The following SPMIP6 variants were observed in gnomAD, a reference collection of about 807,000 sequenced individuals.
SPMIP6 encodes the protein sperm microtubule inner protein 6.
At chr9:34,394,080 C>T in the SPMIP6 span, among the ~76,000 whole-genome samples, 1 of 152,166 alleles carries the variant, frequency 6.6e-6, no homozygotes, top group Non-Finnish European at 1.5e-5. Flanking sequence ...TCTCAGCCTT[C>T]CAAAGTACTG....
the SPMIP6 span, chr9:34,381,272 C>A: frequency 6.3e-7 from 1 of 1,596,036 alleles, no homozygotes; most frequent in South Asian, 1.1e-5. The surrounding 1 kb of genome is among the most constrained non-coding windows in gnomAD (Gnocchi z 4.4). Flanking sequence ...GGACCCTCGG[C>A]CTCCTCCCCG....
the SPMIP6 span, among the ~76,000 whole-genome samples, chr9:34,393,891 C>T: frequency 4.6e-5 from 7 of 152,164 alleles, no homozygotes; most frequent in East Asian, 1.9e-4. Context: ...TTAGCAAATA[C>T]ATTTTTCATT....
the SPMIP6 span, chr9:34,381,419 C>A: frequency 1.2e-6 from 2 of 1,613,926 alleles, no homozygotes; most frequent in Admixed American, 3.3e-5. This position sits in a 1 kb window ranked among gnomAD's most constrained non-coding sequence, Gnocchi z 4.4. Flanking sequence ...GGGCATTCCT[C>A]GAACTGCTGT....
chr9:34,379,666 G>C, the SPMIP6 span: 2 of 1,614,030 alleles, frequency 1.2e-6, no homozygotes, highest in Admixed American at 1.7e-5. The surrounding 1 kb of genome is among the most constrained non-coding windows in gnomAD (Gnocchi z 4.2). Context: ...GATATGGGTA[G>C]TATGACGGCG....
chr9:34,395,623 T>C, the SPMIP6 span, among the ~76,000 whole-genome samples: 1 of 152,222 alleles, frequency 6.6e-6, no homozygotes, highest in East Asian at 1.9e-4. Context: ...TCTCTATCTA[T>C]AACCCAGACC....
chr9:34,395,942 T>A, the SPMIP6 span, among the ~76,000 whole-genome samples: 3 of 152,222 alleles, frequency 2.0e-5, no homozygotes, highest in Non-Finnish European at 2.9e-5. Flanking sequence ...AACCCTTACT[T>A]ATTATGGCAA....
chr9:34,382,846 G>T, the SPMIP6 span: 1 of 1,613,460 alleles, frequency 6.2e-7, no homozygotes, highest in Non-Finnish European at 8.5e-7. Flanking sequence ...TCACTGCCCA[G>T]GTAGTTTGGG....
the SPMIP6 span, among the ~76,000 whole-genome samples, chr9:34,394,005 A>G: frequency 6.6e-6 from 1 of 152,262 alleles, no homozygotes; most frequent in South Asian, 2.1e-4. Context: ...TTTTTTAAAT[A>G]GAGACAAGGT....
the SPMIP6 span, among the ~76,000 whole-genome samples, chr9:34,388,089 G>A: frequency 6.6e-6 from 1 of 150,632 alleles, no homozygotes; most frequent in East Asian, 1.9e-4. Flanking sequence ...AGACAGAGGT[G>A]GGCAGTTACC....
the SPMIP6 span, among the ~76,000 whole-genome samples, chr9:34,391,028 T>C: frequency 6.6e-6 from 1 of 152,238 alleles, no homozygotes; most frequent in Admixed American, 6.5e-5. Context: ...TTAAAACAAC[T>C]GTTCTTCGAG....
At chr9:34,380,220 A>G in the SPMIP6 span, among the ~76,000 whole-genome samples, 3 of 152,172 alleles carry the variant, frequency 2.0e-5, no homozygotes, top group African/African-American at 7.2e-5. Context: ...TACCGCGGAC[A>G]AAGTTCTCCC....
the SPMIP6 span, among the ~76,000 whole-genome samples, chr9:34,387,339 G>A: frequency 1.3e-5 from 2 of 152,226 alleles, no homozygotes; most frequent in East Asian, 1.9e-4. Context: ...TGCTCCAAGT[G>A]CTCCAACCAT....
chr9:34,397,654 G>A, the SPMIP6 span: 20 of 1,569,156 alleles, frequency 1.3e-5, no homozygotes, highest in Middle Eastern at 1.7e-4. Context: ...TGGAGATGCC[G>A]TGGTGGGCTC....
At chr9:34,397,619 G>A in the SPMIP6 span, 1 of 1,606,788 alleles carries the variant, frequency 6.2e-7, no homozygotes, top group South Asian at 1.1e-5. Context: ...TGGTCTTACG[G>A]GAGAACAGGA....
chr9:34,380,668 CAG>C, the SPMIP6 span: 13 of 1,542,042 alleles, frequency 8.4e-6, no homozygotes, highest in Admixed American at 2.0e-5. Context: ...TTGAGAGGGA[CAG>C]GGGTCGGGGA....
At chr9:34,381,526 C>T in the SPMIP6 span, 6 of 1,589,472 alleles carry the variant, frequency 3.8e-6, no homozygotes, top group Non-Finnish European at 4.3e-6. The surrounding 1 kb of genome is among the most constrained non-coding windows in gnomAD (Gnocchi z 4.4). Context: ...ACACCCAGAC[C>T]TATCGCCACG....
the SPMIP6 span, among the ~76,000 whole-genome samples, chr9:34,392,385 TA>T: frequency 9.2e-5 from 14 of 152,180 alleles, no homozygotes; most frequent in Admixed American, 6.5e-5. This position sits in a 1 kb window ranked among gnomAD's most constrained non-coding sequence, Gnocchi z 4.6. Context: ...TTTGTAATTA[TA>T]ATATCTTCCT....
chr9:34,397,356 C>T, the SPMIP6 span: 18 of 900,864 alleles, frequency 2.0e-5, no homozygotes, highest in Non-Finnish European at 2.5e-5. Flanking sequence ...TGCTGTTTTA[C>T]ATACCATTGT....
chr9:34,385,559 A>AG, the SPMIP6 span: 1 of 1,100,968 alleles, frequency 9.1e-7, no homozygotes. Flanking sequence ...AAAAAAAAAA[A>AG]AGGATAGAGG....
Sources: allele counts gnomAD v4.1 joint callset (sites outside exome capture counted in the v4.1 genomes callset), GRCh38; gene constraint gnomAD v4.1.1; non-coding constraint Gnocchi (gnomAD v3.1); transcripts MANE v1.5; gene names NCBI Gene and HGNC (gene_info 2026-07-23, HGNC 2026-07-21).